The following TMEM45A variants were observed in gnomAD, a reference collection of about 807,000 sequenced individuals.
TMEM45A encodes DNA polymerase-transactivated protein 4.
A neutral mutation model predicts 32.0 loss-of-function variants in TMEM45A; 25 were observed. The observed-to-expected ratio is 0.78, with a 90% CI of 0.57 to 1.09. The LOEUF is 1.09. Among genes scored for constraint, TMEM45A ranks in the 50% least tolerant of loss-of-function variants. The pLI is 0.00. For synonymous variants in TMEM45A, 122 were observed against 114.8 expected (o/e 1.06, Z -0.40); for missense variants, 302 against 325.0 (o/e 0.93, Z 0.54).
intron 4 of TMEM45A, among the ~76,000 whole-genome samples, chr3:100,563,364 T>G (rs1706370983): frequency 6.6e-6 from 1 of 152,204 alleles, no homozygotes; most frequent in Non-Finnish European, 1.5e-5. Flanking sequence ...ACAATCACAT[T>G]CAGAGATACT....
intron 1 of TMEM45A, among the ~76,000 whole-genome samples, chr3:100,516,208 C>T (rs1423679065): frequency 2.6e-5 from 4 of 152,198 alleles, no homozygotes; most frequent in African/African-American, 9.7e-5. Flanking sequence ...GACTGCCATA[C>T]TCCTGGACAT....
At chr3:100,547,120 G>A (rs563041894) in intron 1 of TMEM45A, among the ~76,000 whole-genome samples, 1 of 151,948 alleles carries the variant, frequency 6.6e-6, no homozygotes, top group East Asian at 1.9e-4. Flanking sequence ...ATTATATACT[G>A]TATTTTTTTT....
Position 100,499,965 on chromosome 3 carries a change from T to G in TMEM45A, c.-4+7037T>G, listed in dbSNP as rs1197495374. Among the ~76,000 whole-genome samples the G allele has an allele frequency of 5.9e-5, 9 of 152,292 alleles. No homozygotes were observed. The South Asian group carries it at 1.4e-3, about 25-fold the overall frequency. On this transcript the variant is annotated intron_variant, in intron 1 of 5. Transcript: ENST00000323523. ...AATGGCATTGGTGGCTGATAGCTAT[T>G]TTTTTTAAAACTATTTTTACCTTTT...
At chr3:100,527,720 C>A (rs941919243) in intron 1 of TMEM45A, among the ~76,000 whole-genome samples, 2 of 152,174 alleles carry the variant, frequency 1.3e-5, no homozygotes, top group South Asian at 2.1e-4. Flanking sequence ...CAACTTTGGC[C>A]GAGGAATCTT....
chr3:100,537,487 T>C (rs530847946), intron 1 of TMEM45A, among the ~76,000 whole-genome samples: 10 of 152,326 alleles, frequency 6.6e-5, no homozygotes, highest in African/African-American at 2.4e-4. Flanking sequence ...CAAAGCCATT[T>C]TGGAATCCTA....
At chr3:100,508,792 C>A (rs1708113674) in intron 1 of TMEM45A, among the ~76,000 whole-genome samples, 1 of 151,644 alleles carries the variant, frequency 6.6e-6, no homozygotes. Flanking sequence ...TGAATAGACC[C>A]CTGTCTCTCA....
intron 1 of TMEM45A, among the ~76,000 whole-genome samples, chr3:100,516,060 T>C (rs1406710040): frequency 6.6e-6 from 1 of 152,184 alleles, no homozygotes; most frequent in East Asian, 1.9e-4. Context: ...ATACTCTAAC[T>C]TGATCATTAC....
chr3:100,513,965 G>C (rs1468153924), intron 1 of TMEM45A, among the ~76,000 whole-genome samples: 1 of 151,836 alleles, frequency 6.6e-6, no homozygotes, highest in East Asian at 1.9e-4. Context: ...CACTGCTCAA[G>C]GAAATAAAAG....
intron 1 of TMEM45A, among the ~76,000 whole-genome samples, chr3:100,513,324 T>C (rs1480547589): frequency 1.3e-5 from 2 of 152,174 alleles, no homozygotes; most frequent in African/African-American, 4.8e-5. Flanking sequence ...GTTTGATATA[T>C]GCAAATCAAT....
In TMEM45A at chr3:100,556,902, A is replaced by G; in HGVS notation, c.333A>G (p.Leu111=). ...GGCTGTTGGGTGTGGCAGATATCTT[A>G]TGTTTCACCATCAGTTCACTTCCTG... ...FFGLLGVADI[L]CFTISSLPVS... The change falls in exon 3 of 6, where the codon TTA becomes TTG. Residue 111 remains leucine, a synonymous_variant. Coordinates refer to ENST00000323523, the MANE Select transcript of TMEM45A (RefSeq NM_018004.3). The G allele has an allele frequency of 6.2e-7, 1 of 1,614,170 alleles. No individual in the cohort carries two copies. Among genetic ancestry groups the G allele is most frequent in the Non-Finnish European group, 8.5e-7 (1 of 1,180,012 alleles).
intron 1 of TMEM45A, among the ~76,000 whole-genome samples, chr3:100,497,715 T>A (rs1348517750): frequency 6.6e-6 from 1 of 152,224 alleles, no homozygotes; most frequent in Non-Finnish European, 1.5e-5. Flanking sequence ...GTATCATCCA[T>A]GTTGTGGTAT....
chr3:100,547,592 G>A (rs1268568106), intron 1 of TMEM45A, among the ~76,000 whole-genome samples: 1 of 152,008 alleles, frequency 6.6e-6, no homozygotes, highest in African/African-American at 2.4e-5. Context: ...GGAGGAGGAG[G>A]AAAAGGAGGG....
Position 100,558,458 on chromosome 3 carries a change from C to T in TMEM45A, c.457C>T (p.His153Tyr). The T allele has an allele frequency of 6.2e-7, 1 of 1,614,106 alleles. No individual in the cohort carries two copies. The part of the protein sequence containing the change: ...HGREMLDIFV[H>Y]QLLVLVVFLT... ...CCGGGAAATGCTGGACATCTTTGTG[C>T]ACCAGCTGCTGGTTTTGGTCGTCTT... The change falls in exon 4 of 6, where the codon CAC becomes TAC. Residue 153 changes from histidine to tyrosine, a missense_variant. His to Tyr is a moderately conservative substitution (Grantham distance 83, BLOSUM62 2). Transcript: ENST00000323523.
chr3:100,515,822 G>T (rs1344303225), intron 1 of TMEM45A, among the ~76,000 whole-genome samples: 1 of 152,080 alleles, frequency 6.6e-6, no homozygotes, highest in African/African-American at 2.4e-5. Context: ...GAGTAGAATG[G>T]TGGTTACCAG....
chr3:100,568,092 TTTTC>T (rs1706481708), intron 4 of TMEM45A, among the ~76,000 whole-genome samples: 1 of 152,092 alleles, frequency 6.6e-6, no homozygotes, highest in Non-Finnish European at 1.5e-5. Context: ...GCCAGAACTG[TTTTC>T]TTAATTTTAT....
chr3:100,566,122 T>C (rs1350115606), intron 4 of TMEM45A, among the ~76,000 whole-genome samples: 1 of 152,182 alleles, frequency 6.6e-6, no homozygotes, highest in Non-Finnish European at 1.5e-5. Flanking sequence ...TATGGTCGAT[T>C]GATAGTCCCT....
Position 100,496,267 on chromosome 3 carries a change from G to A in TMEM45A, c.-4+3339G>A, listed in dbSNP as rs1707925525. Among the ~76,000 whole-genome samples, 4 of 152,136 alleles carry A rather than the reference G, an allele frequency of 2.6e-5. No individual in the cohort carries two copies. In the South Asian group the frequency reaches 8.3e-4, roughly 32 times the overall value. On this transcript the variant is annotated intron_variant, in intron 1 of 5. Coordinates refer to ENST00000323523, the MANE Select transcript of TMEM45A (RefSeq NM_018004.3). ...ACAGATGCCTATTTGATACATCTGC[G>A]ACTAATATTTTCTGATCACTTAATA...
chr3:100,560,184 G>C (rs1317394050), intron 4 of TMEM45A, among the ~76,000 whole-genome samples: 3 of 150,966 alleles, frequency 2.0e-5, no homozygotes, highest in Non-Finnish European at 4.4e-5. Context: ...TTATATTACA[G>C]GTCTGGATTT....
chr3:100,554,884 G>A (rs1706181786), intron 1 of TMEM45A, among the ~76,000 whole-genome samples: 1 of 152,158 alleles, frequency 6.6e-6, no homozygotes, highest in Non-Finnish European at 1.5e-5. Flanking sequence ...TCTAAATGAG[G>A]ATCCCTAAAG....
Sources: allele counts gnomAD v4.1 joint callset (sites outside exome capture counted in the v4.1 genomes callset), GRCh38; gene constraint gnomAD v4.1.1; transcripts MANE v1.5; gene names NCBI Gene and HGNC (gene_info 2026-07-23, HGNC 2026-07-21).